MGLL: variants seen among roughly 807,000 people sequenced by gnomAD.
The protein encoded by MGLL is lysophospholipase homolog.
A neutral mutation model predicts 29.1 loss-of-function variants in MGLL; 7 were observed. The ratio of observed to expected loss-of-function variants is 0.24; its 90% confidence interval spans 0.14 to 0.45. The LOEUF is 0.45. Among genes scored for constraint, MGLL ranks in the 20% least tolerant of loss-of-function variants. The pLI is 0.99. For synonymous variants in MGLL, 148 were observed against 168.3 expected (o/e 0.88, Z 0.93); for missense variants, 356 against 413.6 (o/e 0.86, Z 1.21).
chr3:127,695,293 T>C, intron 6 of MGLL, 103 bp from the exon 7 acceptor site: 2 of 1,205,300 alleles, frequency 1.7e-6, no homozygotes, highest in Non-Finnish European at 2.4e-6. Flanking sequence ...CCTGAAGGGT[T>C]GATTCCATTC....
chr3:127,768,275 G>A (rs1324503225), intron 3 of MGLL, among the ~76,000 whole-genome samples: 1 of 152,188 alleles, frequency 6.6e-6, no homozygotes, highest in Non-Finnish European at 1.5e-5. Flanking sequence ...TAACTAAGAA[G>A]GAGCACTTCC....
At chr3:127,756,325 G>A (rs2076663369) in intron 3 of MGLL, among the ~76,000 whole-genome samples, 1 of 152,144 alleles carries the variant, frequency 6.6e-6, no homozygotes, top group Non-Finnish European at 1.5e-5. Flanking sequence ...AGATAGTAAA[G>A]GTCTTACAGG....
chr3:127,821,161 T>A (rs1394053058), intron 2 of MGLL, among the ~76,000 whole-genome samples: 3 of 152,236 alleles, frequency 2.0e-5, no homozygotes, highest in Non-Finnish European at 2.9e-5. Flanking sequence ...TGTTTGCTTC[T>A]AATAGCAAGA....
At chr3:127,819,773 A>T (rs1487656173) in intron 2 of MGLL, among the ~76,000 whole-genome samples, 1 of 152,112 alleles carries the variant, frequency 6.6e-6, no homozygotes, top group Non-Finnish European at 1.5e-5. Context: ...CAGGCTGAGC[A>T]GCTGGTCTCG....
At chr3:127,719,036 G>A (rs745501172) in intron 5 of MGLL, among the ~76,000 whole-genome samples, 6 of 152,174 alleles carry the variant, frequency 3.9e-5, no homozygotes, top group Non-Finnish European at 8.8e-5. Flanking sequence ...CAAGTCTGGG[G>A]CAAAGGGAAA....
chr3:127,721,507 GTTTT>G (rs55892315), intron 4 of MGLL, among the ~76,000 whole-genome samples: 17 of 94,832 alleles, frequency 1.8e-4, no homozygotes, highest in African/African-American at 6.6e-4. Flanking sequence ...TAATAGGAGG[GTTTT>G]TTTTTTTTTT....
intron 3 of MGLL, among the ~76,000 whole-genome samples, chr3:127,752,279 A>C (rs1428126511): frequency 6.6e-6 from 1 of 152,094 alleles, no homozygotes; most frequent in Non-Finnish European, 1.5e-5. Flanking sequence ...TTGTATTTTT[A>C]GTAGAGATGG....
chr3:127,742,856 C>T (rs1022809542), intron 3 of MGLL, among the ~76,000 whole-genome samples: 3 of 152,212 alleles, frequency 2.0e-5, no homozygotes, highest in Non-Finnish European at 2.9e-5. Context: ...TGCTATGTCA[C>T]CAGGCTGGTG....
intron 3 of MGLL, among the ~76,000 whole-genome samples, chr3:127,750,665 C>T (rs1013825694): frequency 3.9e-4 from 59 of 152,012 alleles, no homozygotes; most frequent in Admixed American, 3.9e-3. Context: ...AAAGGATATG[C>T]CACAAAATGG....
At chr3:127,778,083 A>C (rs1240001545) in intron 3 of MGLL, among the ~76,000 whole-genome samples, 1 of 152,236 alleles carries the variant, frequency 6.6e-6, no homozygotes, top group African/African-American at 2.4e-5. Context: ...CGGCGCCTAG[A>C]GGTTTCTGTC....
At chr3:127,778,513 T>C (rs900906634) in intron 3 of MGLL, among the ~76,000 whole-genome samples, 2 of 152,194 alleles carry the variant, frequency 1.3e-5, no homozygotes, top group African/African-American at 4.8e-5. Flanking sequence ...GAGTGGACCC[T>C]GGACTGGGTG....
chr3:127,772,658 G>C (rs903207837), intron 3 of MGLL, among the ~76,000 whole-genome samples: 1 of 152,186 alleles, frequency 6.6e-6, no homozygotes, highest in Non-Finnish European at 1.5e-5. Context: ...TTGCAGGGGG[G>C]CTGTGTATGC....
intron 3 of MGLL, among the ~76,000 whole-genome samples, chr3:127,769,079 C>T (rs992505813): frequency 3.3e-5 from 5 of 152,158 alleles, no homozygotes; most frequent in South Asian, 4.1e-4. Flanking sequence ...AGGCCAGGAG[C>T]GGTGGCTTAT....
rs1310449013 is a variant in MGLL at position 127,722,417 on chromosome 3, G to A, written c.399+13C>T. The A allele has an allele frequency of 1.9e-6, 3 of 1,614,170 alleles. No homozygotes were observed. The Admixed American group carries it at 5.0e-5, about 27-fold the overall frequency. ...AGGGTGGATTTAACCTGGGTCTTCT[G>A]TGGTCTGCTTACCATGGAGTGGCCC... is the stretch of plus-strand genomic sequence containing the variant. On this transcript the variant is annotated intron_variant, in intron 4 of 7. Transcript: ENST00000265052.
At chr3:127,811,351 A>G (rs2077658769) in intron 2 of MGLL, among the ~76,000 whole-genome samples, 2 of 152,198 alleles carry the variant, frequency 1.3e-5, no homozygotes, top group Non-Finnish European at 2.9e-5. Context: ...AGGTTGTTCT[A>G]CTCTTGCAAG....
chr3:127,721,068 A>C lies in MGLL; in HGVS notation c.495T>G (p.Ser165=), dbSNP rs2075909767. 1 of 1,614,104 alleles carries C rather than the reference A, an allele frequency of 6.2e-7. No homozygotes were observed. The highest frequency in any genetic ancestry group is 1.7e-5 in the Admixed American group (1 of 60,010). The change falls in exon 5 of 8, where the codon TCT becomes TCG. Residue 165 remains serine (S), a synonymous_variant. Transcript: ENST00000265052. ...ISPLVLANPE[S]ATTFKVLAAK... ...GTCCTTTTACCTTGAAAGTTGTTGCAGATTCAGGATTGGCAAGAACCAGAG... is the reference window on the plus strand; with the variant it reads ...GTCCTTTTACCTTGAAAGTTGTTGCCGATTCAGGATTGGCAAGAACCAGAG...
chr3:127,798,604 C>T (rs986533972), intron 2 of MGLL, among the ~76,000 whole-genome samples: 1 of 152,214 alleles, frequency 6.6e-6, no homozygotes, highest in African/African-American at 2.4e-5. Flanking sequence ...ACAGCCTGAA[C>T]AATCCCAACA....
chr3:127,822,104 T>C (rs527487878), intron 1 of MGLL: 3 of 681,304 alleles, frequency 4.4e-6, no homozygotes, highest in Middle Eastern at 4.9e-4. Context: ...TTATTTTAAA[T>C]CATTTCAGGA....
chr3:127,732,101 C>CGGAG (rs374558995), intron 3 of MGLL, among the ~76,000 whole-genome samples: 166 of 152,280 alleles, frequency 1.1e-3, no homozygotes, highest in African/African-American at 3.9e-3. Context: ...AGCCAGCCTC[C>CGGAG]CCCTTCCCTT....
Sources: allele counts gnomAD v4.1 joint callset (sites outside exome capture counted in the v4.1 genomes callset), GRCh38; gene constraint gnomAD v4.1.1; transcripts MANE v1.5; gene names NCBI Gene and HGNC (gene_info 2026-07-23, HGNC 2026-07-21).